The following DAAM1 variants were observed in gnomAD, a reference collection of about 807,000 sequenced individuals.
DAAM1 encodes dishevelled associated activator of morphogenesis 1, also known as disheveled-associated activator of morphogenesis 1.
Under a neutral mutation model 130.0 loss-of-function variants are expected in DAAM1, and 52 were observed. The ratio of observed to expected loss-of-function variants is 0.40; its 90% CI spans 0.32 to 0.50. DAAM1 has a LOEUF of 0.50. Ranked by LOEUF, DAAM1 falls within the 20% of genes least tolerant of loss-of-function variation. The pLI, the probability that DAAM1 is intolerant of heterozygous loss-of-function variation, is 0.61. For missense variants in DAAM1, 1,134 were observed against 1,303.8 expected (o/e 0.87, Z 2.01); for synonymous variants, 452 against 444.5 (o/e 1.02, Z -0.21).
intron 2 of DAAM1, among the ~76,000 whole-genome samples, chr14:59,282,146 C>T (rs1413312382): frequency 6.6e-6 from 1 of 152,156 alleles, no homozygotes; most frequent in Admixed American, 6.6e-5. Flanking sequence ...AACAAGTGGG[C>T]TCTCAGAACT....
At chr14:59,335,720 A>G (rs977402567) in intron 15 of DAAM1, among the ~76,000 whole-genome samples, 1 of 152,040 alleles carries the variant, frequency 6.6e-6, no homozygotes, top group African/African-American at 2.4e-5. Flanking sequence ...AAAACTTCTC[A>G]AAGCCTCTAC....
At chr14:59,359,606 C>A in intron 21 of DAAM1, 102 bp downstream of exon 21, 1 of 770,794 alleles carries the variant, frequency 1.3e-6, no homozygotes, top group Non-Finnish European at 2.1e-6. Flanking sequence ...TATTTGTTTT[C>A]CCCTGATCAT....
chr14:59,335,838 A>T (rs940259335), intron 15 of DAAM1, among the ~76,000 whole-genome samples: 2 of 152,200 alleles, frequency 1.3e-5, no homozygotes, highest in Non-Finnish European at 2.9e-5. Context: ...AGAGCATTCA[A>T]TGATACCTTC....
intron 3 of DAAM1, among the ~76,000 whole-genome samples, chr14:59,310,411 G>T (rs1884543724): frequency 6.6e-6 from 1 of 152,078 alleles, no homozygotes; most frequent in Non-Finnish European, 1.5e-5. Context: ...GGGATTACAG[G>T]TGTGAGCCAC....
chr14:59,222,813 A>G (rs1239392268), intron 1 of DAAM1, among the ~76,000 whole-genome samples: 2 of 152,230 alleles, frequency 1.3e-5, no homozygotes, highest in Non-Finnish European at 2.9e-5. Context: ...CGATTTTCCA[A>G]TCATGTCTGT....
intron 17 of DAAM1, among the ~76,000 whole-genome samples, chr14:59,350,180 A>G (rs1886236057): frequency 3.9e-5 from 6 of 151,984 alleles, no homozygotes; most frequent in Admixed American, 3.9e-4. Context: ...CCTGGCATCT[A>G]CTTCTGTCTT....
At chr14:59,229,958 T>C (rs907398835) in intron 1 of DAAM1, among the ~76,000 whole-genome samples, 7 of 152,212 alleles carry the variant, frequency 4.6e-5, no homozygotes, top group African/African-American at 1.7e-4. Context: ...TTTGAGATAA[T>C]GGAACAGTGA....
At chr14:59,288,744 C>T (rs1373183829) in intron 2 of DAAM1, among the ~76,000 whole-genome samples, 1 of 151,800 alleles carries the variant, frequency 6.6e-6, no homozygotes, top group Non-Finnish European at 1.5e-5. Flanking sequence ...CACAATTCTG[C>T]AGGCTTAACA....
At chr14:59,225,019 G>GTTTTTTTTTTTTTTTT (rs869233694) in intron 1 of DAAM1, among the ~76,000 whole-genome samples, 6 of 90,784 alleles carry the variant, frequency 6.6e-5, no homozygotes, top group Admixed American at 1.2e-4. Flanking sequence ...ATCTGTGTGG[G>GTTTTTTTTTTTTTTTT]TTTTTTTTTT....
Position 59,323,232 on chromosome 14 carries a change from G to A in DAAM1, c.774+7G>A, listed in dbSNP as rs1885087456. 2 of 1,588,796 alleles carry A rather than the reference G, an allele frequency of 1.3e-6. No individual in the cohort carries two copies. The highest frequency in any genetic ancestry group is 1.7e-6 in the Non-Finnish European group (2 of 1,165,808). ...CGAAAGGACCCGCTTTCAGGTGGGT[G>A]TTCGCTCAGCCTTCTTCACTCACCC... On this transcript the variant is annotated splice_region_variant and intron_variant, in intron 6 of 24. Transcript: ENST00000360909.
At chr14:59,352,422 A>G in intron 17 of DAAM1, 104 bp from the exon 18 acceptor site, 1 of 804,318 alleles carries the variant, frequency 1.2e-6, no homozygotes. Flanking sequence ...ACACTCAACA[A>G]GAGTTAACAT....
At chr14:59,302,684 C>A (rs757312533) in intron 3 of DAAM1, among the ~76,000 whole-genome samples, 1 of 152,142 alleles carries the variant, frequency 6.6e-6, no homozygotes, top group East Asian at 1.9e-4. Context: ...GATGGAGTCT[C>A]ACTCTGTCAC....
At chr14:59,317,035 C>A (rs969554023) in intron 4 of DAAM1, among the ~76,000 whole-genome samples, 3 of 152,140 alleles carry the variant, frequency 2.0e-5, no homozygotes, top group Non-Finnish European at 2.9e-5. Context: ...TCTTTAAGGG[C>A]CTCCTCTCTC....
intron 15 of DAAM1, among the ~76,000 whole-genome samples, chr14:59,335,694 A>G (rs999927151): frequency 2.6e-5 from 4 of 151,892 alleles, no homozygotes; most frequent in African/African-American, 9.7e-5. Context: ...TAAGGATCCT[A>G]TTGTCATCAC....
chr14:59,363,684 C>G lies in DAAM1; in HGVS notation c.2728C>G (p.Pro910Ala), dbSNP rs200150249. 1.2e-4 allele frequency: 188 copies of G among 1,613,990 alleles called. No individual in the cohort carries two copies. Among genetic ancestry groups the G allele is most frequent in the Middle Eastern group, 4.9e-4 (3 of 6,082 alleles). The change falls in exon 23 of 25, where the codon CCC becomes GCC. Residue 910 changes from proline to alanine, a missense_variant. Physicochemically the swap from Pro to Ala is conservative, Grantham distance 27 (BLOSUM62 -1). Transcript: ENST00000360909. ...LEYQKSQPPQ[P>A]GDKFVSVVSQ... ...ATATCAGAAGTCTCAGCCCCCACAG[C>G]CCGGAGATAAGTTTGTGTCTGTTGT...
chr14:59,250,574 A>G (rs1881591547), intron 1 of DAAM1, among the ~76,000 whole-genome samples: 1 of 152,214 alleles, frequency 6.6e-6, no homozygotes, highest in African/African-American at 2.4e-5. Context: ...GAAGGCTTGC[A>G]AACATCCTTT....
At chr14:59,331,176 T>C in intron 13 of DAAM1, 33 bp from the exon 14 acceptor site, 1 of 1,605,846 alleles carries the variant, frequency 6.2e-7, no homozygotes, top group African/African-American at 1.3e-5. Context: ...ACTTCTTCCA[T>C]TGATCTTTCT....
intron 1 of DAAM1, among the ~76,000 whole-genome samples, chr14:59,250,208 T>C (rs1244390234): frequency 6.6e-6 from 1 of 152,188 alleles, no homozygotes; most frequent in African/African-American, 2.4e-5. Context: ...AAATTACATC[T>C]GGGAACATAC....
At chr14:59,292,478 T>C (rs747695989) in intron 3 of DAAM1, among the ~76,000 whole-genome samples, 7 of 152,166 alleles carry the variant, frequency 4.6e-5, no homozygotes, top group Non-Finnish European at 7.3e-5. Context: ...TCTCTAGCAG[T>C]GAGCCTATGT....
Sources: allele counts gnomAD v4.1 joint callset (sites outside exome capture counted in the v4.1 genomes callset), GRCh38; gene constraint gnomAD v4.1.1; transcripts MANE v1.5; gene names NCBI Gene and HGNC (gene_info 2026-07-23, HGNC 2026-07-21).